Variants in CACNA2D1 observed in about 807,000 individuals in gnomAD.
CACNA2D1 encodes voltage-dependent calcium channel subunit alpha-2/delta-1.
In CACNA2D1, 53 loss-of-function variants were observed where a neutral mutation model predicts 171.5. That is an observed-to-expected ratio of 0.31 (90% CI 0.25 to 0.39). The LOEUF (loss-of-function observed/expected upper bound fraction) is 0.39. CACNA2D1 is among the 10% of genes least tolerant of loss of function. The pLI, the probability that CACNA2D1 is intolerant of heterozygous loss-of-function variation, is 1.00. For missense variants in CACNA2D1, 903 were observed against 1,299.8 expected (o/e 0.69, Z 4.69); for synonymous variants, 442 against 443.1 (o/e 1.00, Z 0.03).
intron 3 of CACNA2D1, among the ~76,000 whole-genome samples, chr7:82,307,266 G>A (rs1054224534): frequency 6.6e-6 from 1 of 151,992 alleles, no homozygotes; most frequent in Non-Finnish European, 1.5e-5. Flanking sequence ...AAGGACTTCT[G>A]CCTTGGCCTC....
chr7:82,392,794 T>C (rs1454446662), intron 1 of CACNA2D1, among the ~76,000 whole-genome samples: 1 of 152,134 alleles, frequency 6.6e-6, no homozygotes, highest in Non-Finnish European at 1.5e-5. Flanking sequence ...TTTTCCCATA[T>C]CAATACAACA....
chr7:82,098,462 T>C (rs10808296), intron 6 of CACNA2D1, among the ~76,000 whole-genome samples: 47,005 of 152,080 alleles, frequency 0.31, 7,952 homozygotes, highest in Middle Eastern at 0.47. Flanking sequence ...ATTATTGATG[T>C]AAATCATGTA....
chr7:82,143,844 A>G (rs118177224), intron 4 of CACNA2D1, among the ~76,000 whole-genome samples: 2,033 of 152,310 alleles, frequency 0.013, 24 homozygotes, highest in Non-Finnish European at 0.018. Flanking sequence ...AGAAAATTAC[A>G]CACCAGTAAA....
At chr7:82,326,580 A>G (rs1459771887) in intron 3 of CACNA2D1, among the ~76,000 whole-genome samples, 1 of 152,256 alleles carries the variant, frequency 6.6e-6, no homozygotes, top group East Asian at 1.9e-4. Flanking sequence ...AGTAAATGCT[A>G]CTGATTAATT....
At chr7:81,967,694 T>C in intron 29 of CACNA2D1, 31 bp from the exon 30 acceptor site, 1 of 1,004,438 alleles carries the variant, frequency 1.0e-6, no homozygotes, top group South Asian at 1.4e-5. Flanking sequence ...AATTCAAAGG[T>C]ATAATTAGAT....
At chr7:82,441,064 C>A (rs1490326855) in intron 1 of CACNA2D1, among the ~76,000 whole-genome samples, 1 of 151,810 alleles carries the variant, frequency 6.6e-6, no homozygotes, top group Non-Finnish European at 1.5e-5. Flanking sequence ...AGTCTTTGCA[C>A]TCAGTTTTTA....
At chr7:82,121,259 G>A (rs948125501) in intron 5 of CACNA2D1, among the ~76,000 whole-genome samples, 2 of 151,988 alleles carry the variant, frequency 1.3e-5, no homozygotes, top group Non-Finnish European at 2.9e-5. Flanking sequence ...GTCTTGCTAT[G>A]CTGTCCAGGC....
At chr7:81,955,587 A>C (rs1793142289) in intron 38 of CACNA2D1, among the ~76,000 whole-genome samples, 1 of 152,070 alleles carries the variant, frequency 6.6e-6, no homozygotes, top group Admixed American at 6.6e-5. Context: ...ATACAATAAT[A>C]TAAAGGAATC....
Position 82,164,783 on chromosome 7 carries a change from G to A in CACNA2D1, c.354+5767C>T, listed in dbSNP as rs115154410. Reference sequence around the variant, plus strand: ...AATCTTCTTAGATTATGCATTAAATGAAAATTGCAGTAATTTGTAATGCTT... The same window carrying A: ...AATCTTCTTAGATTATGCATTAAATAAAAATTGCAGTAATTTGTAATGCTT... On this transcript the variant is annotated intron_variant, in intron 4 of 38. Transcript: ENST00000356860. Among the ~76,000 whole-genome samples the A allele has an allele frequency of 3.5e-3, 525 of 151,850 alleles. 7 individuals carry two copies. The highest frequency in any genetic ancestry group is 0.012 in the African/African-American group (502 of 41,424).
intron 3 of CACNA2D1, among the ~76,000 whole-genome samples, chr7:82,210,655 G>C (rs190315507): frequency 8.7e-4 from 132 of 152,288 alleles, no homozygotes; most frequent in African/African-American, 3.0e-3. Context: ...GTGTCTGTTA[G>C]TTCAGCATAA....
At chr7:82,027,057 G>A (rs1584465687) in intron 12 of CACNA2D1, among the ~76,000 whole-genome samples, 1 of 151,732 alleles carries the variant, frequency 6.6e-6, no homozygotes, top group East Asian at 1.9e-4. Context: ...AGGCTGAGAA[G>A]GGTATGCTGG....
At chr7:82,230,713 T>A (rs1411971669) in intron 3 of CACNA2D1, among the ~76,000 whole-genome samples, 1 of 152,206 alleles carries the variant, frequency 6.6e-6, no homozygotes, top group Non-Finnish European at 1.5e-5. Context: ...GCAGATATTA[T>A]GCCATTTTCA....
At chr7:82,202,307 C>A (rs950583239) in intron 3 of CACNA2D1, among the ~76,000 whole-genome samples, 1 of 152,172 alleles carries the variant, frequency 6.6e-6, no homozygotes, top group African/African-American at 2.4e-5. Flanking sequence ...CTGCCCACCA[C>A]TCGTTCACCC....
chr7:82,061,360 C>T (rs1211797992), intron 9 of CACNA2D1, among the ~76,000 whole-genome samples: 1 of 152,136 alleles, frequency 6.6e-6, no homozygotes, highest in African/African-American at 2.4e-5. Context: ...ATCCTCACTC[C>T]TCTCTGGCTC....
At chr7:82,338,099 G>A (rs2129444663) in intron 2 of CACNA2D1, among the ~76,000 whole-genome samples, 1 of 152,068 alleles carries the variant, frequency 6.6e-6, no homozygotes, top group East Asian at 1.9e-4. Context: ...TATGTTCTAA[G>A]TCACTTTGCT....
At position 81,963,158 on chromosome 7, in the gene CACNA2D1, T is replaced by C. The variant is rs1192676820; in HGVS notation, c.2781-663A>G. On this transcript the variant is annotated intron_variant, in intron 34 of 38. Transcript: ENST00000356860. Reference sequence around the variant, plus strand: ...TTAAAAGCCTACTGAAATTAATATATAAAATCACATCAGAAAATACCATTT... The same window carrying C: ...TTAAAAGCCTACTGAAATTAATATACAAAATCACATCAGAAAATACCATTT... Among the ~76,000 whole-genome samples the C allele has an allele frequency of 2.0e-5, 3 of 151,978 alleles. No individual in the cohort carries two copies. In the East Asian group the frequency reaches 5.8e-4, roughly 29 times the overall value.
intron 3 of CACNA2D1, among the ~76,000 whole-genome samples, chr7:82,223,493 G>A (rs1802013930): frequency 6.6e-6 from 1 of 152,140 alleles, no homozygotes; most frequent in Non-Finnish European, 1.5e-5. Context: ...ACTTTTGGCT[G>A]TAGAAAGCAG....
At chr7:82,252,242 C>T (rs1323988848) in intron 3 of CACNA2D1, among the ~76,000 whole-genome samples, 1 of 152,124 alleles carries the variant, frequency 6.6e-6, no homozygotes, top group African/African-American at 2.4e-5. Flanking sequence ...AAGCATTTTG[C>T]AAACTGCTTG....
At chr7:82,085,543 A>T (rs2129012412) in intron 6 of CACNA2D1, among the ~76,000 whole-genome samples, 1 of 151,940 alleles carries the variant, frequency 6.6e-6, no homozygotes, top group Non-Finnish European at 1.5e-5. Context: ...AAAGAAAAAA[A>T]GTCATTGGGC....
Sources: gnomAD v4.1 joint callset for allele counts (sites outside exome capture counted in the v4.1 genomes callset) on GRCh38, gnomAD v4.1.1 for gene constraint, MANE v1.5 for transcripts, NCBI Gene and HGNC (gene_info 2026-07-23, HGNC 2026-07-21) for gene names.